The following TTL variants were observed in gnomAD, a reference collection of about 807,000 sequenced individuals.
The protein encoded by TTL is tubulin--tyrosine ligase.
A neutral mutation model predicts 41.1 loss-of-function variants in TTL; 10 were observed. The observed-to-expected ratio is 0.24, with a 90% CI of 0.15 to 0.41. The LOEUF (loss-of-function observed/expected upper bound fraction) is 0.41, where lower values mean the gene tolerates loss of function less well. Ranked by LOEUF, TTL falls within the 10% of genes least tolerant of loss-of-function variation. The pLI is 1.00. For missense variants in TTL, 367 were observed against 460.4 expected, an observed-to-expected ratio of 0.80 and a Z score of 1.86; for synonymous variants, 175 against 175.5, an observed-to-expected ratio of 1.00 and a Z score of 0.02.
intron 2 of TTL, among the ~76,000 whole-genome samples, chr2:112,486,687 T>C (rs534402289): frequency 1.2e-4 from 19 of 152,166 alleles, no homozygotes; most frequent in Non-Finnish European, 2.6e-4. Context: ...AAAGTGTAAG[T>C]GTTCACCCCA....
rs1682457939 is a variant in TTL, at chr2:112,529,623, CT to C, written c.*835del. ...GTTTTGCCTAGTTCCCTTTTTTTTT[CT>C]TTTTTTACTTTTTTTTAAACGTTTG... On this transcript the variant is annotated 3_prime_UTR_variant, in exon 7 of 7. Coordinates refer to ENST00000233336, the MANE Select transcript of TTL (RefSeq NM_153712.5). 4.5e-6 allele frequency: 1 copy of C among 223,332 alleles called. No homozygotes were observed. The highest frequency in any genetic ancestry group is 8.9e-6 in the Non-Finnish European group (1 of 112,736). 13.8% of individuals were successfully genotyped at this position (223,332 alleles called of 1,614,324 possible). A position where few individuals can be genotyped will look rare whatever the true frequency, so the allele number is the denominator to read the frequency against.
At chr2:112,491,874 T>A (rs1681397903) in intron 2 of TTL, among the ~76,000 whole-genome samples, 1 of 152,244 alleles carries the variant, frequency 6.6e-6, no homozygotes, top group South Asian at 2.1e-4. Flanking sequence ...TTCTTTTTTT[T>A]TAAATCTCTT....
chr2:112,511,763 G>T (rs927021942), intron 5 of TTL, among the ~76,000 whole-genome samples: 4 of 151,356 alleles, frequency 2.6e-5, no homozygotes, highest in South Asian at 2.1e-4. Context: ...TAGAGACAGG[G>T]TTTCACCATG....
At chr2:112,511,737 G>T (rs1380576137) in intron 5 of TTL, among the ~76,000 whole-genome samples, 3 of 147,072 alleles carry the variant, frequency 2.0e-5, no homozygotes, top group African/African-American at 5.0e-5. Flanking sequence ...GCTAATTTTT[G>T]TATTTTTTTT....
In TTL at chr2:112,535,613, G is replaced by C. The variant is rs1682583181; in HGVS notation, c.*6818G>C. 6.6e-6 allele frequency: 1 copy of C among 151,790 alleles called. No homozygotes were observed. The highest frequency in any genetic ancestry group is 6.6e-5 in the Admixed American group (1 of 15,234). The allele number at this position is 151,790 out of a possible 1,614,324, so 9.4% of individuals were successfully genotyped here. A position where few individuals can be genotyped will look rare whatever the true frequency, so the allele number is the denominator to read the frequency against. The stretch of plus-strand genomic sequence containing the variant: ...AAAGAGAAGGAAGTAATGAAAAATA[G>C]AGGAGAAAAAAAAGGCAAGAGGCCT... On this transcript the variant is annotated 3_prime_UTR_variant, in exon 7 of 7. Coordinates refer to ENST00000233336, the MANE Select transcript of TTL (RefSeq NM_153712.5).
At position 112,494,358 on chromosome 2, in the gene TTL, C is replaced by A; in HGVS notation, c.452C>A (p.Ser151Ter). Residue 151 changes from serine to a stop codon, truncating the protein, a stop_gained, in exon 3 of 7, where the codon TCA becomes TAA. Coordinates refer to ENST00000233336, the MANE Select transcript of TTL (RefSeq NM_153712.5). LOFTEE classifies it high-confidence loss of function. ...DGEGNVWIAKSSAGAKGEGIL... is the reference protein window; with the variant it reads ...DGEGNVWIAK ...GAGGGCAACGTTTGGATTGCAAAGTCATCAGCCGGTGCCAAAGGTGAGTTG... is the reference window on the plus strand; with the variant it reads ...GAGGGCAACGTTTGGATTGCAAAGTAATCAGCCGGTGCCAAAGGTGAGTTG... The A allele has an allele frequency of 1.2e-6, 2 of 1,613,840 alleles. No individual in the cohort carries two copies. The highest frequency in any genetic ancestry group is 2.2e-5 in the South Asian group (2 of 91,002).
chr2:112,514,459 A>G (rs757936421), intron 5 of TTL, among the ~76,000 whole-genome samples: 5 of 151,994 alleles, frequency 3.3e-5, no homozygotes, highest in Non-Finnish European at 7.4e-5. Flanking sequence ...GTCTGAAAAT[A>G]TATTTTGTCT....
intron 1 of TTL, chr2:112,484,013 C>T (rs1681165442): frequency 6.6e-6 from 1 of 152,126 alleles, no homozygotes; most frequent in Admixed American, 6.5e-5. Context: ...TCCTGACTTC[C>T]CTCTATATTC....
At position 112,537,721 on chromosome 2, in the gene TTL, T is replaced by TA. The variant is rs1407751790; in HGVS notation, c.*8927dup. ...TGTACCTAGCAATACAGCCTAAAGA[T>TA]ACATGACATAAAAACTTAGAGAATT... On this transcript the variant is annotated 3_prime_UTR_variant, in exon 7 of 7. Coordinates refer to ENST00000233336, the MANE Select transcript of TTL (RefSeq NM_153712.5). 1 of 152,142 alleles carries TA rather than the reference T, an allele frequency of 6.6e-6. No individual in the cohort carries two copies. Among genetic ancestry groups the TA allele is most frequent in the Admixed American group, 6.5e-5 (1 of 15,272 alleles). The allele number at this position is 152,142 out of a possible 1,614,324, so 9.4% of individuals were successfully genotyped here.
intron 1 of TTL, among the ~76,000 whole-genome samples, chr2:112,484,275 T>C (rs1186956414): frequency 6.6e-6 from 1 of 151,362 alleles, no homozygotes; most frequent in Non-Finnish European, 1.5e-5. Flanking sequence ...GTTTGTCTGT[T>C]TGTTTTGCGA....
intron 2 of TTL, among the ~76,000 whole-genome samples, chr2:112,488,815 G>A (rs963080765): frequency 1.3e-5 from 2 of 151,642 alleles, no homozygotes; most frequent in African/African-American, 2.4e-5. Flanking sequence ...ATTGCCGGGC[G>A]TGGTGGCTCA....
chr2:112,513,971 A>G (rs1681998693), intron 5 of TTL, among the ~76,000 whole-genome samples: 2 of 152,190 alleles, frequency 1.3e-5, no homozygotes, highest in African/African-American at 4.8e-5. Context: ...CAGCATTCCT[A>G]TGATTATAGA....
At chr2:112,523,377 C>T (rs772890871) in intron 6 of TTL, among the ~76,000 whole-genome samples, 9 of 83,408 alleles carry the variant, frequency 1.1e-4, no homozygotes, top group East Asian at 3.3e-4. Flanking sequence ...TGTGTGTATC[C>T]GCCCCTTCTT....
intron 5 of TTL, among the ~76,000 whole-genome samples, chr2:112,517,438 G>A (rs138933236): frequency 0.012 from 1,827 of 151,568 alleles, 18 homozygotes; most frequent in Non-Finnish European, 0.016. Context: ...TAGTAGAGAT[G>A]AGGTTTCACC....
rs1682472529 is a variant in TTL, at chr2:112,530,190, G to A, written c.*1395G>A. 1 of 228,278 alleles carries A rather than the reference G, an allele frequency of 4.4e-6. No individual in the cohort carries two copies. Among genetic ancestry groups the A allele is most frequent in the African/African-American group, 2.2e-5 (1 of 45,050 alleles). 14.1% of individuals were successfully genotyped at this position (228,278 alleles called of 1,614,324 possible). A position where few individuals can be genotyped will look rare whatever the true frequency, so the allele number is the denominator to read the frequency against. On this transcript the variant is annotated 3_prime_UTR_variant, in exon 7 of 7. Coordinates refer to ENST00000233336, the MANE Select transcript of TTL (RefSeq NM_153712.5). ...CTCAAGAAAACATTTCTGCAGTCAG[G>A]TGAGACTTTTACAAAAGAGGAGAAA...
chr2:112,527,756 C>G lies in TTL; in HGVS notation c.1020-925C>G, dbSNP rs145383081. ...AATAGAGCACACTGATGGGTCTTGA[C>G]TGTTTATCCAATTTGCCAGTCTGTG... is the stretch of plus-strand genomic sequence containing the variant. On this transcript the variant is annotated intron_variant, in intron 6 of 6. Transcript: ENST00000233336. 8.5e-3 allele frequency among the ~76,000 whole-genome samples: 1,298 copies of G among 152,246 alleles called. 22 individuals carry two copies. Among genetic ancestry groups the G allele is most frequent in the African/African-American group, 0.03 (1,232 of 41,518 alleles).
At chr2:112,511,818 A>G (rs929838497) in intron 5 of TTL, among the ~76,000 whole-genome samples, 2 of 151,646 alleles carry the variant, frequency 1.3e-5, no homozygotes, top group African/African-American at 4.8e-5. Context: ...CAATCTACAC[A>G]CTTCAGCCTC....
At position 112,493,305 on chromosome 2, in the gene TTL, A is replaced by T. The variant is rs114702574; in HGVS notation, c.237-838A>T. Among the ~76,000 whole-genome samples the T allele has an allele frequency of 1.4e-3, 211 of 152,042 alleles. 1 individual carries two copies. The highest frequency in any genetic ancestry group is 2.0e-3 in the Non-Finnish European group (139 of 67,956). On this transcript the variant is annotated intron_variant, in intron 2 of 6. Coordinates refer to ENST00000233336, the MANE Select transcript of TTL (RefSeq NM_153712.5). ...CCCTGTCTCTGATTCCTGGGGAGTAAGAGCAGGTTTCCAGTTAAGACTTGG... is the reference window on the plus strand; with the variant it reads ...CCCTGTCTCTGATTCCTGGGGAGTATGAGCAGGTTTCCAGTTAAGACTTGG...
At chr2:112,518,335 T>G (rs1190463552) in intron 5 of TTL, among the ~76,000 whole-genome samples, 1 of 151,426 alleles carries the variant, frequency 6.6e-6, no homozygotes, top group East Asian at 1.9e-4. Flanking sequence ...ACAGGGATTT[T>G]TTTTTTTTAA....
Sources: allele counts gnomAD v4.1 joint callset (sites outside exome capture counted in the v4.1 genomes callset), GRCh38; gene constraint gnomAD v4.1.1; transcripts MANE v1.5; gene names NCBI Gene and HGNC (gene_info 2026-07-23, HGNC 2026-07-21).